GSK3B: variants seen among roughly 807,000 people sequenced by gnomAD.
GSK3B encodes glycogen synthase kinase 3 beta.
A neutral mutation model predicts 56.4 loss-of-function variants in GSK3B; 15 were observed. That is an observed-to-expected ratio of 0.27 (90% CI 0.18 to 0.41). GSK3B has a LOEUF of 0.41. GSK3B is among the 10% of genes least tolerant of loss of function. The probability of loss-of-function intolerance (pLI) is 1.00; values close to 1 mark genes in which losing one functional copy is unlikely to be tolerated. For synonymous variants in GSK3B, 181 were observed against 188.9 expected (o/e 0.96, Z 0.34); for missense variants, 300 against 513.4 (o/e 0.58, Z 4.02).
chr3:120,014,378 AT>A (rs2057806223), intron 1 of GSK3B, among the ~76,000 whole-genome samples: 1 of 152,174 alleles, frequency 6.6e-6, no homozygotes, highest in Non-Finnish European at 1.5e-5. Context: ...AGCAAAGGGA[AT>A]AAAAAGTAGA....
chr3:120,013,885 G>A (rs968155594), intron 1 of GSK3B, among the ~76,000 whole-genome samples: 1 of 151,424 alleles, frequency 6.6e-6, no homozygotes, highest in African/African-American at 2.4e-5. Flanking sequence ...AAACAAAGAT[G>A]TTGGCCGGGC....
intron 1 of GSK3B, among the ~76,000 whole-genome samples, chr3:120,006,130 A>G (rs2057725421): frequency 6.6e-6 from 1 of 152,196 alleles, no homozygotes; most frequent in African/African-American, 2.4e-5. Flanking sequence ...CTCTGATAAA[A>G]TAGACTTTAA....
chr3:119,888,141 T>C (rs1281801063), intron 7 of GSK3B, among the ~76,000 whole-genome samples: 6 of 152,108 alleles, frequency 3.9e-5, no homozygotes, highest in Admixed American at 6.6e-5. Flanking sequence ...CACAAAGGAA[T>C]AGAGAGCACC....
intron 1 of GSK3B, among the ~76,000 whole-genome samples, chr3:120,062,877 G>A (rs1472724609): frequency 6.6e-6 from 1 of 152,044 alleles, no homozygotes; most frequent in Non-Finnish European, 1.5e-5. Context: ...AAAGTAAAGA[G>A]GAATATATAC....
At chr3:119,970,009 CAGTT>C (rs1190838648) in intron 2 of GSK3B, among the ~76,000 whole-genome samples, 1 of 152,218 alleles carries the variant, frequency 6.6e-6, no homozygotes, top group South Asian at 2.1e-4. Context: ...AGCCCTCTCA[CAGTT>C]AGCAGATCAA....
At chr3:119,888,028 T>C (rs2056459086) in intron 7 of GSK3B, among the ~76,000 whole-genome samples, 1 of 152,038 alleles carries the variant, frequency 6.6e-6, no homozygotes, top group Non-Finnish European at 1.5e-5. Flanking sequence ...AAAATACATT[T>C]TTAGGCAAAC....
At chr3:119,837,319 T>C (rs1257778718) in intron 10 of GSK3B, among the ~76,000 whole-genome samples, 1 of 75,662 alleles carries the variant, frequency 1.3e-5, no homozygotes, top group Non-Finnish European at 3.1e-5. Flanking sequence ...TACGCCCGGC[T>C]AATTTTTTTT....
intron 1 of GSK3B, among the ~76,000 whole-genome samples, chr3:120,075,904 C>T (rs953989003): frequency 2.1e-4 from 32 of 152,156 alleles, no homozygotes; most frequent in African/African-American, 7.5e-4. Context: ...AACCACCAGA[C>T]TCTGAACAGC....
chr3:119,933,731 G>C (rs924289848), intron 3 of GSK3B, among the ~76,000 whole-genome samples: 1 of 152,110 alleles, frequency 6.6e-6, no homozygotes, highest in African/African-American at 2.4e-5. Context: ...AAAAAAATTA[G>C]CCAGGCATGG....
chr3:120,042,070 C>A (rs2058068902), intron 1 of GSK3B, among the ~76,000 whole-genome samples: 1 of 152,146 alleles, frequency 6.6e-6, no homozygotes, highest in South Asian at 2.1e-4. Context: ...CACTGAATAA[C>A]CTTCAGTTGC....
At chr3:120,058,052 TTTTA>T (rs2107549362) in intron 1 of GSK3B, among the ~76,000 whole-genome samples, 2 of 152,246 alleles carry the variant, frequency 1.3e-5, no homozygotes, top group East Asian at 3.9e-4. Flanking sequence ...AACAAAAATA[TTTTA>T]TTTATTTAGT....
intron 10 of GSK3B, among the ~76,000 whole-genome samples, chr3:119,842,555 CT>C (rs2055788671): frequency 6.6e-6 from 1 of 152,100 alleles, no homozygotes; most frequent in Admixed American, 6.6e-5. Context: ...ATGTTTTCAG[CT>C]ATAAACATCT....
chr3:119,966,982 G>A (rs1039775468), intron 2 of GSK3B, among the ~76,000 whole-genome samples: 1 of 151,956 alleles, frequency 6.6e-6, no homozygotes, highest in Non-Finnish European at 1.5e-5. Flanking sequence ...TATAAATAAA[G>A]ACAATCTATA....
intron 7 of GSK3B, among the ~76,000 whole-genome samples, chr3:119,905,207 A>G (rs1467745821): frequency 6.6e-6 from 1 of 151,718 alleles, no homozygotes; most frequent in Non-Finnish European, 1.5e-5. Context: ...TTTAAAATAA[A>G]TAAAATTATA....
In GSK3B at chr3:120,093,366, A is replaced by G; in HGVS notation, c.69T>C (p.Phe23=). ...SCKPVQQPSA[F]GSMKVSRDKD... is the part of the protein sequence containing the mutation. ...ACTCACTGCTAACTTTCATGCTGCC[A>G]AAAGCTGAAGGCTGCTGCACCGGCT... The change falls in exon 1 of 11, where the codon TTT becomes TTC. Residue 23 remains phenylalanine (F), a synonymous_variant. Transcript: ENST00000264235. 4 of 1,613,172 alleles carry G rather than the reference A, an allele frequency of 2.5e-6. No homozygotes were observed. The highest frequency in any genetic ancestry group is 3.4e-6 in the Non-Finnish European group (4 of 1,179,126).
chr3:119,958,382 G>GGGGTGGGTGGGT (rs57244190), intron 2 of GSK3B, among the ~76,000 whole-genome samples: 1 of 136,502 alleles, frequency 7.3e-6, no homozygotes, highest in Non-Finnish European at 1.6e-5. Context: ...TATCGAAAAA[G>GGGGTGGGTGGGT]GGGTGGGTGG....
At position 119,947,872 on chromosome 3, in the gene GSK3B, C is replaced by CA. The variant is rs57902819; in HGVS notation, c.283-522dup. On this transcript the variant is annotated intron_variant, in intron 2 of 10. Coordinates refer to ENST00000264235, the MANE Select transcript of GSK3B (RefSeq NM_001146156.2). ...GTGAATGCAGAGCGAAACTCCATCT[C>CA]AAAAAAAAAAAAAAAGAAAGAAAAG... Among the ~76,000 whole-genome samples the CA allele has an allele frequency of 4.0e-3, 416 of 103,744 alleles. 1 individual carries two copies. Among genetic ancestry groups the CA allele is most frequent in the African/African-American group, 8.2e-3 (238 of 29,038 alleles). The allele number at this position is 103,744 out of a possible 152,430, so 68.1% of individuals were successfully genotyped here. A position where few individuals can be genotyped will look rare whatever the true frequency, so the allele number is the denominator to read the frequency against.
chr3:119,954,217 G>C (rs1467382855), intron 2 of GSK3B, among the ~76,000 whole-genome samples: 1 of 142,634 alleles, frequency 7.0e-6, no homozygotes, highest in Non-Finnish European at 1.5e-5. Flanking sequence ...AAGGAAGTGT[G>C]GAAGGAGAAT....
intron 10 of GSK3B, among the ~76,000 whole-genome samples, chr3:119,841,069 C>T (rs539879142): frequency 6.6e-6 from 1 of 152,312 alleles, no homozygotes; most frequent in South Asian, 2.1e-4. Context: ...CTAATTTTAG[C>T]TCTGACCTCA....
Sources: gnomAD v4.1 joint callset for allele counts (sites outside exome capture counted in the v4.1 genomes callset) on GRCh38, gnomAD v4.1.1 for gene constraint, MANE v1.5 for transcripts, NCBI Gene and HGNC (gene_info 2026-07-23, HGNC 2026-07-21) for gene names.